TBC1D23: variants seen among roughly 807,000 people sequenced by gnomAD.
The protein encoded by TBC1D23 is TBC1 domain family member 23.
TBC1D23 carries 55 observed loss-of-function variants against 91.4 expected under a neutral mutation model. The ratio of observed to expected loss-of-function variants is 0.60; its 90% CI spans 0.48 to 0.75. The LOEUF is 0.75. Ranked by LOEUF, TBC1D23 falls within the 30% of genes least tolerant of loss-of-function variation. The pLI is 0.00. For missense variants in TBC1D23, 725 were observed against 836.1 expected (o/e 0.87, Z 1.64); for synonymous variants, 289 against 281.0 (o/e 1.03, Z -0.28).
At chr3:100,321,295 A>G (rs1005566461) in intron 18 of TBC1D23, among the ~76,000 whole-genome samples, 2 of 152,122 alleles carry the variant, frequency 1.3e-5, no homozygotes, top group Middle Eastern at 3.2e-3. Context: ...TGATATTTTT[A>G]TTTTCCTTCA....
intron 10 of TBC1D23, among the ~76,000 whole-genome samples, chr3:100,299,945 G>A (rs577616715): frequency 6.8e-6 from 1 of 146,616 alleles, no homozygotes; most frequent in African/African-American, 2.4e-5. Context: ...ATAGTGCACT[G>A]CACCTACTAA....
intron 11 of TBC1D23, among the ~76,000 whole-genome samples, chr3:100,304,149 T>C (rs1705478692): frequency 6.6e-6 from 1 of 152,210 alleles, no homozygotes; most frequent in Non-Finnish European, 1.5e-5. Flanking sequence ...CATGTATTTG[T>C]TGGGAAAAGC....
intron 4 of TBC1D23, among the ~76,000 whole-genome samples, chr3:100,288,266 TA>T (rs1182402259): frequency 2.0e-5 from 3 of 151,596 alleles, no homozygotes; most frequent in African/African-American, 2.4e-5. Context: ...ATTAAAAAAT[TA>T]AAAAAAACTG....
intron 10 of TBC1D23, chr3:100,301,851 T>G: frequency 2.2e-6 from 1 of 452,204 alleles, no homozygotes; most frequent in Non-Finnish European, 3.8e-6. Flanking sequence ...TGCATCAATC[T>G]TTGTGTGAAT....
intron 1 of TBC1D23, among the ~76,000 whole-genome samples, chr3:100,262,460 C>T (rs1337219585): frequency 1.3e-5 from 2 of 152,174 alleles, no homozygotes; most frequent in Non-Finnish European, 2.9e-5. Context: ...CGCGGTGGCT[C>T]ACGCCTGTAA....
chr3:100,286,501 CTT>C (rs11370481), intron 4 of TBC1D23, among the ~76,000 whole-genome samples: 35,196 of 146,240 alleles, frequency 0.24, 4,500 homozygotes, highest in East Asian at 0.5. Context: ...AACATATCTT[CTT>C]TTTTTTTTTT....
intron 5 of TBC1D23, 24 bp downstream of exon 5, chr3:100,290,725 T>A: frequency 6.4e-7 from 1 of 1,551,942 alleles, no homozygotes; most frequent in Non-Finnish European, 8.7e-7. Flanking sequence ...AGTAGGAACA[T>A]TTAATGAAAA....
intron 7 of TBC1D23, among the ~76,000 whole-genome samples, chr3:100,295,901 C>A (rs2067834982): frequency 6.6e-6 from 1 of 152,082 alleles, no homozygotes. Context: ...CTTGGCATTT[C>A]TTCATATATG....
chr3:100,308,353 T>C (rs1002508740), intron 13 of TBC1D23, among the ~76,000 whole-genome samples: 1 of 152,018 alleles, frequency 6.6e-6, no homozygotes, highest in African/African-American at 2.4e-5. Context: ...CAGGCGCCTG[T>C]AGTCCCAGCT....
At chr3:100,277,689 G>T (rs2067661870) in intron 1 of TBC1D23, among the ~76,000 whole-genome samples, 1 of 152,060 alleles carries the variant, frequency 6.6e-6, no homozygotes. Context: ...AGTGTTTTTA[G>T]TCCCTCATTA....
At chr3:100,287,965 G>A (rs1192614805) in intron 4 of TBC1D23, among the ~76,000 whole-genome samples, 1 of 151,906 alleles carries the variant, frequency 6.6e-6, no homozygotes, top group East Asian at 1.9e-4. Flanking sequence ...GTGAGGCCAG[G>A]TGCAGTGACT....
rs1171406485 is a variant in TBC1D23 at position 100,310,458 on chromosome 3, T to A, written c.1469T>A (p.Met490Lys). ...GGAATGAAATCACTAGTAAATAAAA[T>A]GACTGTGGCTTTGAAGACAAAATCC... ...DRGMKSLVNK[M>K]TVALKTKSVN... The change falls in exon 14 of 19, where the codon ATG (methionine) becomes AAG (lysine). Residue 490 changes from methionine (M) to lysine (K), a missense_variant. Physicochemically the swap from Met to Lys is moderately conservative, Grantham distance 95. Coordinates refer to ENST00000394144, the MANE Select transcript of TBC1D23 (RefSeq NM_001199198.3). 2.5e-6 allele frequency: 4 copies of A among 1,613,464 alleles called. No homozygotes were observed. Among genetic ancestry groups the A allele is most frequent in the Non-Finnish European group, 2.5e-6 (3 of 1,179,686 alleles).
intron 1 of TBC1D23, chr3:100,267,143 T>C: frequency 2.7e-6 from 1 of 367,942 alleles, no homozygotes; most frequent in Non-Finnish European, 5.4e-6. Flanking sequence ...TAAATGCTGG[T>C]GTTTTGGAAA....
intron 1 of TBC1D23, among the ~76,000 whole-genome samples, chr3:100,264,039 AC>A (rs1228968802): frequency 5.3e-5 from 8 of 151,766 alleles, no homozygotes; most frequent in African/African-American, 1.9e-4. Context: ...TTATCCTGGC[AC>A]TCTCATCAGC....
chr3:100,321,853 T>C (rs1287512533), intron 18 of TBC1D23, among the ~76,000 whole-genome samples: 1 of 151,754 alleles, frequency 6.6e-6, no homozygotes, highest in African/African-American at 2.4e-5. Context: ...AATCACTTCA[T>C]TGCTTTATGT....
At chr3:100,306,874 TG>T in intron 13 of TBC1D23, among the ~76,000 whole-genome samples, 1 of 152,216 alleles carries the variant, frequency 6.6e-6, no homozygotes, top group Non-Finnish European at 1.5e-5. Flanking sequence ...GGGACAAATC[TG>T]GGTCCTGTAA....
chr3:100,300,668 A>T (rs1705408074), intron 10 of TBC1D23, among the ~76,000 whole-genome samples: 3 of 151,080 alleles, frequency 2.0e-5, no homozygotes, highest in African/African-American at 4.9e-5. Context: ...TGCCTGGCTA[A>T]TTTTTTTTAC....
At chr3:100,277,601 C>A (rs1222287578) in intron 1 of TBC1D23, among the ~76,000 whole-genome samples, 1 of 151,938 alleles carries the variant, frequency 6.6e-6, no homozygotes, top group Non-Finnish European at 1.5e-5. Context: ...AAAATTACTT[C>A]AAAAAGAAAA....
At chr3:100,268,194 T>G (rs1310774235) in intron 1 of TBC1D23, among the ~76,000 whole-genome samples, 1 of 152,144 alleles carries the variant, frequency 6.6e-6, no homozygotes, top group Non-Finnish European at 1.5e-5. Context: ...TGGGTTATTT[T>G]TCCTTTAAAC....
Sources: allele counts gnomAD v4.1 joint callset (sites outside exome capture counted in the v4.1 genomes callset), GRCh38; gene constraint gnomAD v4.1.1; transcripts MANE v1.5; gene names NCBI Gene and HGNC (gene_info 2026-07-23, HGNC 2026-07-21).